CNTN4: variants seen among roughly 807,000 people sequenced by gnomAD.
The protein encoded by CNTN4 is contactin-4.
A neutral mutation model predicts 122.5 loss-of-function variants in CNTN4; 77 were observed. That is an observed-to-expected ratio of 0.63 (90% confidence interval 0.52 to 0.76). The LOEUF is 0.76. Ranked by LOEUF, CNTN4 falls within the 30% of genes least tolerant of loss-of-function variation. The pLI is 0.00. For missense variants in CNTN4, 1,256 were observed against 1,259.1 expected (o/e 1.00, Z 0.04); for synonymous variants, 512 against 447.0 (o/e 1.15, Z -1.83).
chr3:2,286,260 A>G (rs1374748684), intron 2 of CNTN4, among the ~76,000 whole-genome samples: 1 of 146,946 alleles, frequency 6.8e-6, no homozygotes, highest in Non-Finnish European at 1.5e-5. Flanking sequence ...ATACACATAC[A>G]AATACATATT....
At chr3:2,625,158 G>A (rs147106950) in intron 4 of CNTN4, among the ~76,000 whole-genome samples, 36 of 152,068 alleles carry the variant, frequency 2.4e-4, no homozygotes, top group African/African-American at 6.5e-4. Context: ...TACTGTAATC[G>A]TGCTTAATAA....
In CNTN4 at chr3:2,506,304, A is replaced by G. The variant is rs114135301; in HGVS notation, c.-88-65112A>G. Among the ~76,000 whole-genome samples, 791 of 152,354 alleles carry G rather than the reference A, an allele frequency of 5.2e-3. 7 individuals carry two copies. The highest frequency in any genetic ancestry group is 0.018 in the African/African-American group (746 of 41,588). ...CGCCTACACGCCCTGGAGCCGACAAAAGAGCTCAGTACCAGAGCCGAAGAG... is the reference window on the plus strand; with the variant it reads ...CGCCTACACGCCCTGGAGCCGACAAGAGAGCTCAGTACCAGAGCCGAAGAG... On this transcript the variant is annotated intron_variant, in intron 3 of 24. Transcript: ENST00000418658.
intron 4 of CNTN4, among the ~76,000 whole-genome samples, chr3:2,596,380 G>A (rs894314217): frequency 6.6e-5 from 10 of 152,094 alleles, no homozygotes; most frequent in East Asian, 1.9e-4. Flanking sequence ...AATGGACATC[G>A]GTTGTCCTCC....
chr3:2,661,922 TCAGA>T (rs1416179031), intron 4 of CNTN4, among the ~76,000 whole-genome samples: 1 of 152,042 alleles, frequency 6.6e-6, no homozygotes, highest in Non-Finnish European at 1.5e-5. Context: ...TTTCCCAAAT[TCAGA>T]CAAACACAGA....
At chr3:2,621,508 G>A (rs955274946) in intron 4 of CNTN4, among the ~76,000 whole-genome samples, 1 of 152,004 alleles carries the variant, frequency 6.6e-6, no homozygotes, top group Non-Finnish European at 1.5e-5. Context: ...GGGGTGGGGG[G>A]CTAGTGGAGG....
chr3:2,130,802 T>C (rs1037397980), intron 2 of CNTN4, among the ~76,000 whole-genome samples: 3 of 152,194 alleles, frequency 2.0e-5, no homozygotes, highest in Non-Finnish European at 4.4e-5. Context: ...GGGTCAAAAG[T>C]AGTTTAGAAT....
chr3:2,616,960 C>T (rs571118623), intron 4 of CNTN4, among the ~76,000 whole-genome samples: 73 of 152,198 alleles, frequency 4.8e-4, no homozygotes, highest in Non-Finnish European at 9.0e-4. Flanking sequence ...GAAACTGAAC[C>T]CCCTCCTTAC....
At chr3:2,230,992 A>G (rs2039464212) in intron 2 of CNTN4, among the ~76,000 whole-genome samples, 1 of 152,156 alleles carries the variant, frequency 6.6e-6, no homozygotes, top group Admixed American at 6.6e-5. Flanking sequence ...TGTTTCAAAA[A>G]AACAAAACAA....
chr3:3,054,211 C>G (rs995198397), intron 24 of CNTN4, among the ~76,000 whole-genome samples: 9 of 152,162 alleles, frequency 5.9e-5, no homozygotes, highest in African/African-American at 2.2e-4. Flanking sequence ...AAAGCAGACC[C>G]GAATTAGTCA....
chr3:2,804,065 GCACACACACACA>G (rs71058651), intron 6 of CNTN4, among the ~76,000 whole-genome samples: 68 of 144,432 alleles, frequency 4.7e-4, no homozygotes, highest in Middle Eastern at 3.4e-3. Flanking sequence ...ATATATGTCT[GCACACACACACA>G]CACACACACA....
At chr3:2,254,504 C>T (rs748048234) in intron 2 of CNTN4, among the ~76,000 whole-genome samples, 9 of 152,200 alleles carry the variant, frequency 5.9e-5, no homozygotes, top group South Asian at 2.1e-4. Flanking sequence ...TACACTCCCA[C>T]TAACAGTGTA....
intron 2 of CNTN4, among the ~76,000 whole-genome samples, chr3:2,324,808 CT>C (rs201958356): frequency 0.095 from 14,351 of 151,828 alleles, 838 homozygotes; most frequent in Non-Finnish European, 0.13. Flanking sequence ...AATTTCTACC[CT>C]CCCCTAGCCC....
intron 4 of CNTN4, among the ~76,000 whole-genome samples, chr3:2,618,050 A>G (rs1456737508): frequency 2.0e-5 from 3 of 152,174 alleles, no homozygotes; most frequent in Non-Finnish European, 4.4e-5. Context: ...TCTGAGCACT[A>G]TCCACACACT....
At chr3:2,686,546 T>C (rs1438451469) in intron 4 of CNTN4, among the ~76,000 whole-genome samples, 1 of 143,150 alleles carries the variant, frequency 7.0e-6, no homozygotes, top group African/African-American at 3.0e-5. Context: ...ATAATTAACA[T>C]ATAAAATTGT....
At chr3:2,152,591 AG>A (rs2035542124) in intron 2 of CNTN4, among the ~76,000 whole-genome samples, 1 of 152,200 alleles carries the variant, frequency 6.6e-6, no homozygotes, top group South Asian at 2.1e-4. Context: ...AGAAGAATCC[AG>A]GATGTGACTC....
At chr3:2,530,643 A>G (rs1285500063) in intron 3 of CNTN4, among the ~76,000 whole-genome samples, 1 of 152,012 alleles carries the variant, frequency 6.6e-6, no homozygotes, top group Non-Finnish European at 1.5e-5. Flanking sequence ...GATTGGGACT[A>G]TGGCCTCTAA....
At chr3:2,248,897 G>T (rs2040258902) in intron 2 of CNTN4, among the ~76,000 whole-genome samples, 2 of 151,944 alleles carry the variant, frequency 1.3e-5, no homozygotes, top group South Asian at 2.1e-4. Flanking sequence ...GGGAAATTAG[G>T]TTGTGAATGG....
intron 6 of CNTN4, among the ~76,000 whole-genome samples, chr3:2,796,013 A>T (rs2092166067): frequency 6.6e-6 from 1 of 152,208 alleles, no homozygotes; most frequent in South Asian, 2.1e-4. Flanking sequence ...TCACAGAAAT[A>T]TCTGGAGAAA....
chr3:2,664,309 ATTTTCTTT>A (rs59432576), intron 4 of CNTN4, among the ~76,000 whole-genome samples: 25,580 of 151,952 alleles, frequency 0.17, 2,515 homozygotes, highest in Admixed American at 0.32. Flanking sequence ...CAATCCTGTG[ATTTTCTTT>A]TTTGGTCCAG....
Sources: gnomAD v4.1 joint callset for allele counts (sites outside exome capture counted in the v4.1 genomes callset) on GRCh38, gnomAD v4.1.1 for gene constraint, MANE v1.5 for transcripts, NCBI Gene and HGNC (gene_info 2026-07-23, HGNC 2026-07-21) for gene names.